PEX5L: variants seen among roughly 807,000 people sequenced by gnomAD.
PEX5L encodes peroxisomal biogenesis factor 5 like.
A neutral mutation model predicts 84.0 loss-of-function variants in PEX5L; 30 were observed. That is an observed-to-expected ratio of 0.36 (90% CI 0.27 to 0.48). The LOEUF is 0.48. Ranked by LOEUF, PEX5L falls within the 20% of genes least tolerant of loss-of-function variation. The probability of loss-of-function intolerance (pLI) is 0.99; values close to 1 mark genes in which losing one functional copy is unlikely to be tolerated. For missense variants in PEX5L, 533 were observed against 754.6 expected (o/e 0.71, Z 3.44); for synonymous variants, 270 against 283.1 (o/e 0.95, Z 0.46).
At chr3:180,017,351 C>T (rs1259983186) in intron 1 of PEX5L, among the ~76,000 whole-genome samples, 2 of 152,186 alleles carry the variant, frequency 1.3e-5, no homozygotes, top group Non-Finnish European at 2.9e-5. Flanking sequence ...ATATGGATTA[C>T]AGATTCAAGC....
intron 10 of PEX5L, among the ~76,000 whole-genome samples, chr3:179,812,471 G>A (rs543603537): frequency 8.6e-5 from 13 of 151,960 alleles, no homozygotes; most frequent in African/African-American, 2.7e-4. Flanking sequence ...ACATTTCATC[G>A]TACCTTAAGC....
chr3:179,900,336 ATAATT>A (rs756805837), intron 2 of PEX5L, among the ~76,000 whole-genome samples: 104 of 152,290 alleles, frequency 6.8e-4, no homozygotes, highest in Admixed American at 2.0e-3. Context: ...GTTACAAGGT[ATAATT>A]TAATTTAAGA....
At chr3:179,893,469 C>T (rs1465524546) in intron 3 of PEX5L, among the ~76,000 whole-genome samples, 9 of 152,158 alleles carry the variant, frequency 5.9e-5, no homozygotes, top group Admixed American at 1.3e-4. Flanking sequence ...AATCTTGTTT[C>T]GTGACTTGAA....
chr3:180,011,025 G>T (rs1446435396), intron 1 of PEX5L, among the ~76,000 whole-genome samples: 1 of 152,094 alleles, frequency 6.6e-6, no homozygotes, highest in African/African-American at 2.4e-5. Flanking sequence ...TAATTGAGAT[G>T]TAAGTGTGAG....
chr3:179,851,403 T>A (rs190077455), intron 8 of PEX5L, among the ~76,000 whole-genome samples: 78 of 152,300 alleles, frequency 5.1e-4, no homozygotes, highest in African/African-American at 1.7e-3. Flanking sequence ...TCCACCTTCA[T>A]GACCTAGTCA....
rs1783079715 is a variant in PEX5L, at chr3:179,965,390, GGCAT to G, written c.93+6200_93+6203del. 2.0e-5 allele frequency among the ~76,000 whole-genome samples: 3 copies of G among 152,162 alleles called. No homozygotes were observed. In the South Asian group the frequency reaches 6.2e-4, roughly 32 times the overall value. On this transcript the variant is annotated intron_variant, in intron 2 of 14. Transcript: ENST00000467460. ...GCATCCTCATTTGAGCCTCACAGCA[GGCAT>G]CTGAGCAGATGCTATTATTGCATTG... is the stretch of plus-strand genomic sequence containing the variant.
At chr3:179,874,482 C>A in intron 6 of PEX5L, 59 bp from the exon 7 acceptor site, 2 of 903,778 alleles carry the variant, frequency 2.2e-6, no homozygotes, top group Non-Finnish European at 3.6e-6. Flanking sequence ...AGCTATAAAT[C>A]CAGCCAAGAA....
intron 9 of PEX5L, among the ~76,000 whole-genome samples, chr3:179,818,205 C>T (rs1726904718): frequency 6.6e-6 from 1 of 152,028 alleles, no homozygotes; most frequent in African/African-American, 2.4e-5. Flanking sequence ...ATTACTGAGA[C>T]TTCCTCCGCC....
chr3:179,913,187 A>G (rs961895663), intron 2 of PEX5L, among the ~76,000 whole-genome samples: 1 of 152,110 alleles, frequency 6.6e-6, no homozygotes, highest in Non-Finnish European at 1.5e-5. Flanking sequence ...ACTTCCAAAC[A>G]CAGAGACTTG....
chr3:179,901,946 C>T lies in PEX5L; in HGVS notation c.94-3700G>A, dbSNP rs558763697. ...TACAGAACATAAGAAACAGCATACA[C>T]AATACTGGACATCACAGGACCCTCT... On this transcript the variant is annotated intron_variant, in intron 2 of 14. Coordinates refer to ENST00000467460, the MANE Select transcript of PEX5L (RefSeq NM_016559.3). The T allele has an allele frequency of 1.8e-4, 28 of 152,292 alleles. 1 individual carries two copies. Among genetic ancestry groups the T allele is most frequent in the African/African-American group, 5.8e-4 (24 of 41,560 alleles). 9.4% of individuals were successfully genotyped at this position (152,292 alleles called of 1,614,324 possible).
chr3:179,861,017 T>C (rs1004902622), intron 7 of PEX5L, among the ~76,000 whole-genome samples: 1 of 152,204 alleles, frequency 6.6e-6, no homozygotes, highest in African/African-American at 2.4e-5. Context: ...AAGAATACTG[T>C]GGATTGCAAG....
Position 179,801,470 on chromosome 3 carries a change from AC to A in PEX5L, c.*357del, listed in dbSNP as rs1454327995. On this transcript the variant is annotated 3_prime_UTR_variant, in exon 15 of 15. Transcript: ENST00000467460. ...AGTGCTTTTTCCATGTTTCCCATGAACAAGTTCCTCAGATGTGTCATCAGCT... is the reference window on the plus strand; with the variant it reads ...AGTGCTTTTTCCATGTTTCCCATGAAAAGTTCCTCAGATGTGTCATCAGCT... 4.7e-6 allele frequency: 1 copy of A among 214,356 alleles called. No individual in the cohort carries two copies. The highest frequency in any genetic ancestry group is 9.5e-6 in the Non-Finnish European group (1 of 105,246). The allele number at this position is 214,356 out of a possible 1,614,324, so 13.3% of individuals were successfully genotyped here.
At chr3:179,897,054 A>C (rs946623036) in intron 3 of PEX5L, among the ~76,000 whole-genome samples, 3 of 152,152 alleles carry the variant, frequency 2.0e-5, no homozygotes, top group Non-Finnish European at 4.4e-5. Context: ...TTTTGATGTT[A>C]TATGTTATAA....
chr3:179,961,711 A>C (rs1782090142), intron 2 of PEX5L, among the ~76,000 whole-genome samples: 1 of 152,204 alleles, frequency 6.6e-6, no homozygotes, highest in South Asian at 2.1e-4. Flanking sequence ...TGAATTTATA[A>C]CATAAATCAT....
chr3:180,017,347 A>C (rs1458043537), intron 1 of PEX5L, among the ~76,000 whole-genome samples: 1 of 152,232 alleles, frequency 6.6e-6, no homozygotes, highest in East Asian at 1.9e-4. Context: ...GAATATATGG[A>C]TTACAGATTC....
At chr3:179,844,905 G>A (rs541530266) in intron 8 of PEX5L, among the ~76,000 whole-genome samples, 2 of 152,158 alleles carry the variant, frequency 1.3e-5, no homozygotes, top group Non-Finnish European at 2.9e-5. Context: ...CACCTTGGAG[G>A]CTACATTAAT....
chr3:179,995,681 C>A (rs1020181026), intron 1 of PEX5L, among the ~76,000 whole-genome samples: 1 of 152,096 alleles, frequency 6.6e-6, no homozygotes, highest in African/African-American at 2.4e-5. Flanking sequence ...GCTTCAGAAG[C>A]AAATAAGACT....
intron 2 of PEX5L, among the ~76,000 whole-genome samples, chr3:179,967,193 A>G (rs192753436): frequency 1.3e-5 from 2 of 152,300 alleles, no homozygotes; most frequent in Admixed American, 6.5e-5. Context: ...ATGATCAGTA[A>G]TGAGCAATGG....
At chr3:179,875,291 A>T (rs1433236018) in intron 6 of PEX5L, 63 bp downstream of exon 6, 1 of 1,535,776 alleles carries the variant, frequency 6.5e-7, no homozygotes, top group East Asian at 2.2e-5. Context: ...CTCTTTGGCT[A>T]TTTCAGTGCC....
Sources: allele counts gnomAD v4.1 joint callset (sites outside exome capture counted in the v4.1 genomes callset), GRCh38; gene constraint gnomAD v4.1.1; transcripts MANE v1.5; gene names NCBI Gene and HGNC (gene_info 2026-07-23, HGNC 2026-07-21).